CDH23: variants seen among roughly 807,000 people sequenced by gnomAD.
The protein encoded by CDH23 is cadherin-23.
In CDH23, 189 loss-of-function variants were observed where a neutral mutation model predicts 317.1. The ratio of observed to expected loss-of-function variants is 0.60; its 90% CI spans 0.53 to 0.67. CDH23 has a LOEUF of 0.67. Ranked by LOEUF, CDH23 falls within the 30% of genes least tolerant of loss-of-function variation. The pLI is 0.00. For missense variants in CDH23, 4,401 were observed against 4,592.4 expected (o/e 0.96, Z 1.20); for synonymous variants, 1,839 against 1,876.8 (o/e 0.98, Z 0.52).
In CDH23 at chr10:71,730,574, A is replaced by T. The variant is rs775842667; in HGVS notation, c.3685A>T (p.Ile1229Phe). 5.6e-6 allele frequency: 9 copies of T among 1,613,896 alleles called. No homozygotes were observed. Among genetic ancestry groups the T allele is most frequent in the Non-Finnish European group, 7.6e-6 (9 of 1,179,890 alleles). The change falls in exon 31 of 70, where the codon ATC becomes TTC. Residue 1229 changes from isoleucine to phenylalanine, a missense_variant. By Grantham distance (21) the Ile-to-Phe change is conservative. Transcript: ENST00000224721. ...RETAGIGTSV[I>F]VVQATDRDSG... ...GACCGCAGGCATTGGAACGTCAGTC[A>T]TCGTGGTCCAAGCCACAGACCGAGA... is the stretch of plus-strand genomic sequence containing the variant.
intron 14 of CDH23, among the ~76,000 whole-genome samples, chr10:71,649,677 A>G (rs959931052): frequency 6.6e-6 from 1 of 152,234 alleles, no homozygotes; most frequent in African/African-American, 2.4e-5. Context: ...GGCAGAACCC[A>G]CACATACAAA....
chr10:71,812,194 G>C, intron 66 of CDH23, 179 bp downstream of exon 66: 1 of 1,583,648 alleles, frequency 6.3e-7, no homozygotes, highest in East Asian at 2.3e-5. Context: ...TGGCTGACAG[G>C]GGCTCTCCAC....
chr10:71,758,171 G>A (rs535893674), intron 38 of CDH23, among the ~76,000 whole-genome samples: 1 of 152,206 alleles, frequency 6.6e-6, no homozygotes, highest in South Asian at 2.1e-4. Context: ...CAAAATGCAT[G>A]TTCTAATTTT....
At chr10:71,557,780 T>C (rs1041205310) in intron 6 of CDH23, among the ~76,000 whole-genome samples, 6 of 152,176 alleles carry the variant, frequency 3.9e-5, no homozygotes, top group Non-Finnish European at 7.4e-5. Context: ...TCTTGATCCT[T>C]TGTATATGAC....
chr10:71,588,552 C>CA (rs1416369193), intron 9 of CDH23, among the ~76,000 whole-genome samples: 1 of 152,040 alleles, frequency 6.6e-6, no homozygotes, highest in East Asian at 1.9e-4. Context: ...TAGTTGATGA[C>CA]AAACACAAAC....
chr10:71,438,618 T>C (rs769280766), intron 1 of CDH23, among the ~76,000 whole-genome samples: 18 of 152,128 alleles, frequency 1.2e-4, no homozygotes, highest in Non-Finnish European at 1.8e-4. Flanking sequence ...TCTTAATCCC[T>C]CACCCCTATA....
chr10:71,811,916 A>G (rs1281400738), intron 65 of CDH23, 39 bp from the exon 66 acceptor site: 1 of 1,521,038 alleles, frequency 6.6e-7, no homozygotes, highest in Admixed American at 2.0e-5. Context: ...ACCCCTGGCT[A>G]TGCCCCTCCC....
At chr10:71,479,580 T>C (rs2132110945) in intron 3 of CDH23, among the ~76,000 whole-genome samples, 1 of 152,260 alleles carries the variant, frequency 6.6e-6, no homozygotes, top group South Asian at 2.1e-4. Context: ...AGGGAGCCAT[T>C]CCTTTGGGTT....
At chr10:71,755,559 A>T in intron 38 of CDH23, 1 of 1,198,250 alleles carries the variant, frequency 8.3e-7, no homozygotes, top group Non-Finnish European at 1.2e-6. Context: ...GCCAGGAAGC[A>T]GGAGACCCGC....
At chr10:71,533,649 C>A (rs551946365) in intron 6 of CDH23, among the ~76,000 whole-genome samples, 13 of 152,074 alleles carry the variant, frequency 8.5e-5, no homozygotes, top group African/African-American at 3.1e-4. Context: ...CTATGTGACA[C>A]AGGATGCAGC....
At chr10:71,729,619 T>C (rs1481389992) in intron 30 of CDH23, among the ~76,000 whole-genome samples, 2 of 152,192 alleles carry the variant, frequency 1.3e-5, no homozygotes, top group Non-Finnish European at 2.9e-5. Flanking sequence ...CCTTAGGGGC[T>C]GGGAGCTGGC....
chr10:71,406,867 G>A (rs955610433), intron 1 of CDH23, among the ~76,000 whole-genome samples: 23 of 152,138 alleles, frequency 1.5e-4, no homozygotes, highest in Non-Finnish European at 2.9e-4. Flanking sequence ...AGCTGCATGT[G>A]GCCCATAGAT....
At chr10:71,602,752 G>A (rs769707608) in intron 9 of CDH23, among the ~76,000 whole-genome samples, 34 of 152,164 alleles carry the variant, frequency 2.2e-4, no homozygotes, top group Middle Eastern at 6.8e-3. Context: ...CATCTTTGAC[G>A]CATCCTGACA....
At position 71,730,460 on chromosome 10, in the gene CDH23, C is replaced by T. The variant is rs1166973738; in HGVS notation, c.3580-9C>T. The T allele has an allele frequency of 6.2e-7, 1 of 1,613,240 alleles. No individual in the cohort carries two copies. The highest frequency in any genetic ancestry group is 8.5e-7 in the Non-Finnish European group (1 of 1,179,714). ...CCCTGACCTTGCACCCCTGGCCCGGCTCCCACAGGTGATTGTGTACGTGGA... is the reference window on the plus strand; with the variant it reads ...CCCTGACCTTGCACCCCTGGCCCGGTTCCCACAGGTGATTGTGTACGTGGA... On this transcript the variant is annotated splice_polypyrimidine_tract_variant and intron_variant, in intron 30 of 69. Transcript: ENST00000224721.
chr10:71,472,626 C>G lies in CDH23; in HGVS notation c.145+26231C>G, dbSNP rs537686840. ...GGCTTCAACTTGCTCTGCCCTCGCC[C>G]TTTGGCCTTGAAGGTCCTGCCAGAT... is the stretch of plus-strand genomic sequence containing the variant. On this transcript the variant is annotated intron_variant, in intron 3 of 69. Coordinates refer to ENST00000224721, the MANE Select transcript of CDH23 (RefSeq NM_022124.6). Among the ~76,000 whole-genome samples the G allele has an allele frequency of 7.8e-4, 119 of 152,332 alleles. 1 individual carries two copies. The highest frequency in any genetic ancestry group is 2.8e-3 in the African/African-American group (117 of 41,570).
chr10:71,457,852 G>A (rs1375156333), intron 3 of CDH23, among the ~76,000 whole-genome samples: 2 of 152,232 alleles, frequency 1.3e-5, no homozygotes, highest in East Asian at 3.8e-4. Flanking sequence ...CAGCTTGCTT[G>A]CTCCTGGGTC....
chr10:71,738,692 G>A (rs1489589527), intron 35 of CDH23, 45 bp downstream of exon 35: 30 of 1,594,216 alleles, frequency 1.9e-5, no homozygotes, highest in Admixed American at 1.7e-5. Flanking sequence ...TGTCAGCGGG[G>A]CTCCCACAGC....
intron 38 of CDH23, among the ~76,000 whole-genome samples, chr10:71,777,289 C>T (rs1041265466): frequency 7.9e-5 from 12 of 152,236 alleles, no homozygotes; most frequent in Admixed American, 6.5e-4. Flanking sequence ...CTCAATAAGA[C>T]ACAGGCCCTC....
At chr10:71,812,186 G>A in intron 66 of CDH23, 171 bp downstream of exon 66, 3 of 1,581,276 alleles carry the variant, frequency 1.9e-6, no homozygotes, top group African/African-American at 1.3e-5. Flanking sequence ...AAACCACGTG[G>A]CTGACAGGGG....
Sources: allele counts gnomAD v4.1 joint callset (sites outside exome capture counted in the v4.1 genomes callset), GRCh38; gene constraint gnomAD v4.1.1; transcripts MANE v1.5; gene names NCBI Gene and HGNC (gene_info 2026-07-23, HGNC 2026-07-21).